The following TMEM132C variants were observed in gnomAD, a reference collection of about 807,000 sequenced individuals.
TMEM132C encodes the protein transmembrane protein 132C, also known as protein phosphatase 1, regulatory subunit 152.
In TMEM132C, 29 loss-of-function variants were observed where a neutral mutation model predicts 61.4. The ratio of observed to expected loss-of-function variants is 0.47; its 90% CI spans 0.35 to 0.64. TMEM132C has a LOEUF of 0.64. Among genes scored for constraint, TMEM132C ranks in the 30% least tolerant of loss-of-function variants. The pLI is 0.00. For synonymous variants in TMEM132C, 656 were observed against 633.1 expected (o/e 1.04, Z -0.54); for missense variants, 1,408 against 1,476.9 (o/e 0.95, Z 0.76).
chr12:128,666,914 C>CA lies in TMEM132C; in HGVS notation c.1306-2497dup, dbSNP rs368754816. Among the ~76,000 whole-genome samples the CA allele has an allele frequency of 9.9e-3, 1,505 of 152,252 alleles. 19 individuals carry two copies. Among genetic ancestry groups the CA allele is most frequent in the African/African-American group, 0.034 (1,398 of 41,542 alleles). Reference sequence around the variant, plus strand: ...TGAAACCCCATCTCTACTAAAAATACAAAAAATTAGCCGGGCGTGGTGGCC... The same window carrying CA: ...TGAAACCCCATCTCTACTAAAAATACAAAAAAATTAGCCGGGCGTGGTGGCC... On this transcript the variant is annotated intron_variant, in intron 4 of 8. Transcript: ENST00000435159.
At chr12:128,273,421 C>T (rs924422393) in intron 1 of TMEM132C, among the ~76,000 whole-genome samples, 10 of 151,910 alleles carry the variant, frequency 6.6e-5, no homozygotes, top group Non-Finnish European at 1.2e-4. Flanking sequence ...TTACTTTTAA[C>T]TTATGTCTCT....
At chr12:128,372,001 T>C (rs113390308) in intron 1 of TMEM132C, among the ~76,000 whole-genome samples, 1,843 of 152,322 alleles carry the variant, frequency 0.012, 36 homozygotes, top group African/African-American at 0.04. Context: ...CACCATGACT[T>C]CAGTCTTACG....
intron 4 of TMEM132C, among the ~76,000 whole-genome samples, chr12:128,664,984 C>A (rs185792078): frequency 5.6e-5 from 8 of 143,320 alleles, no homozygotes; most frequent in Admixed American, 5.4e-4. Flanking sequence ...TACACACAGG[C>A]ACATGCACCC....
chr12:128,438,578 G>A (rs115904296), intron 2 of TMEM132C, among the ~76,000 whole-genome samples: 310 of 152,216 alleles, frequency 2.0e-3, no homozygotes, highest in African/African-American at 7.4e-3. Flanking sequence ...AACACAAAAT[G>A]TACTAAGAAC....
At chr12:128,435,111 T>A (rs1869535745) in intron 2 of TMEM132C, among the ~76,000 whole-genome samples, 1 of 152,172 alleles carries the variant, frequency 6.6e-6, no homozygotes, top group African/African-American at 2.4e-5. Flanking sequence ...AGATTGGTAA[T>A]GTCACAGGTT....
chr12:128,399,614 A>G (rs1006604722), intron 1 of TMEM132C, among the ~76,000 whole-genome samples: 1 of 152,144 alleles, frequency 6.6e-6, no homozygotes, highest in South Asian at 2.1e-4. Context: ...AACCTGGTCT[A>G]TAAATCAGAT....
intron 3 of TMEM132C, among the ~76,000 whole-genome samples, chr12:128,576,293 G>T (rs886966506): frequency 6.6e-5 from 10 of 151,998 alleles, no homozygotes; most frequent in Admixed American, 4.6e-4. Flanking sequence ...GGGAGTCAGT[G>T]GCCTCCCAGT....
At chr12:128,533,656 C>A (rs1873409342) in intron 2 of TMEM132C, among the ~76,000 whole-genome samples, 1 of 152,106 alleles carries the variant, frequency 6.6e-6, no homozygotes, top group South Asian at 2.1e-4. Flanking sequence ...AATTGGAGCC[C>A]AGACTAATGA....
chr12:128,551,256 G>C (rs1018980865), intron 3 of TMEM132C, among the ~76,000 whole-genome samples: 1 of 151,294 alleles, frequency 6.6e-6, no homozygotes, highest in African/African-American at 2.5e-5. Flanking sequence ...CTCTTAGACG[G>C]GGAGAGAGCA....
chr12:128,405,918 C>T (rs1875328408), intron 1 of TMEM132C, among the ~76,000 whole-genome samples: 1 of 152,128 alleles, frequency 6.6e-6, no homozygotes, highest in African/African-American at 2.4e-5. Flanking sequence ...CTCAGCAGCC[C>T]CCATGGACAG....
chr12:128,674,298 T>G (rs1389449692), intron 5 of TMEM132C, among the ~76,000 whole-genome samples: 1 of 152,238 alleles, frequency 6.6e-6, no homozygotes, highest in Non-Finnish European at 1.5e-5. Flanking sequence ...TTTGTTTCTT[T>G]TATTGCGGAA....
At chr12:128,382,182 C>G (rs149766577) in intron 1 of TMEM132C, among the ~76,000 whole-genome samples, 1 of 152,158 alleles carries the variant, frequency 6.6e-6, no homozygotes, top group Non-Finnish European at 1.5e-5. Flanking sequence ...GAGCTTGGCA[C>G]GAGCTCCCGG....
intron 4 of TMEM132C, among the ~76,000 whole-genome samples, chr12:128,626,919 T>A (rs2135591475): frequency 6.6e-6 from 1 of 152,222 alleles, no homozygotes; most frequent in African/African-American, 2.4e-5. Flanking sequence ...AAACGCTCAC[T>A]CCAGCCCCAC....
chr12:128,268,108 C>A (rs982382857), intron 1 of TMEM132C, among the ~76,000 whole-genome samples: 3 of 152,162 alleles, frequency 2.0e-5, no homozygotes, highest in African/African-American at 7.2e-5. Flanking sequence ...CAAATGAGTC[C>A]TTTGCGGTGG....
rs188189757 is a variant in TMEM132C at position 128,402,081 on chromosome 12, G to A, written c.86-12651G>A. ...TAGAGGGAGACAGGAAGTCAGGGGC[G>A]AGAGAAGCTGCCGAGATATTGGCTT... On this transcript the variant is annotated intron_variant, in intron 1 of 8. Transcript: ENST00000435159. Among the ~76,000 whole-genome samples the A allele has an allele frequency of 4.3e-4, 65 of 152,244 alleles. No homozygotes were observed. In the Middle Eastern group the frequency reaches 0.014, roughly 32 times the overall value.
At chr12:128,459,126 G>C (rs1412867954) in intron 2 of TMEM132C, among the ~76,000 whole-genome samples, 2 of 152,226 alleles carry the variant, frequency 1.3e-5, no homozygotes, top group African/African-American at 4.8e-5. Flanking sequence ...GGGGAAGACT[G>C]GACCAGCAGC....
chr12:128,554,054 T>C (rs1321787372), intron 3 of TMEM132C, among the ~76,000 whole-genome samples: 1 of 152,230 alleles, frequency 6.6e-6, no homozygotes, highest in African/African-American at 2.4e-5. Context: ...TCTGTCCACG[T>C]GATTCAACCT....
rs138330739 is a variant in TMEM132C at position 128,351,938 on chromosome 12, G to T, written c.86-62794G>T. Among the ~76,000 whole-genome samples the T allele has an allele frequency of 3.8e-3, 584 of 152,282 alleles. 1 individual carries two copies. The highest frequency in any genetic ancestry group is 0.011 in the African/African-American group (469 of 41,552). On this transcript the variant is annotated intron_variant, in intron 1 of 8. Transcript: ENST00000435159. Reference sequence around the variant, plus strand: ...GGAATTGGCTCATGCAATTATGGAGGCTGAGAAGTCCCAAGATCTGCAAGG... The same window carrying T: ...GGAATTGGCTCATGCAATTATGGAGTCTGAGAAGTCCCAAGATCTGCAAGG...
chr12:128,417,965 CTT>C (rs1379623915), intron 2 of TMEM132C, among the ~76,000 whole-genome samples: 2 of 152,066 alleles, frequency 1.3e-5, no homozygotes, highest in East Asian at 3.9e-4. Context: ...GGGTGTAAGA[CTT>C]AGTCACATTA....
Sources: allele counts gnomAD v4.1 joint callset (sites outside exome capture counted in the v4.1 genomes callset), GRCh38; gene constraint gnomAD v4.1.1; transcripts MANE v1.5; gene names NCBI Gene and HGNC (gene_info 2026-07-23, HGNC 2026-07-21).